The following XPR1 variants were observed in gnomAD, a reference collection of about 807,000 sequenced individuals.
XPR1 encodes the protein xenotropic and polytropic retrovirus receptor 1, also known as solute carrier family 53 member 1.
XPR1 carries 28 observed loss-of-function variants against 87.5 expected under a neutral mutation model. The ratio of observed to expected loss-of-function variants is 0.32; its 90% confidence interval spans 0.24 to 0.44. The LOEUF (loss-of-function observed/expected upper bound fraction) is 0.44. Among genes scored for constraint, XPR1 ranks in the 20% least tolerant of loss-of-function variants. XPR1 has a pLI of 1.00. For synonymous variants in XPR1, 300 were observed against 306.1 expected (o/e 0.98, Z 0.21); for missense variants, 559 against 862.3 (o/e 0.65, Z 4.41).
chr1:180,835,566 G>T (rs12063893), intron 10 of XPR1, among the ~76,000 whole-genome samples: 6,488 of 152,068 alleles, frequency 0.043, 497 homozygotes, highest in African/African-American at 0.15. Flanking sequence ...AGATCTCATT[G>T]AGATAGAATA....
intron 2 of XPR1, among the ~76,000 whole-genome samples, chr1:180,707,792 C>T (rs1657607993): frequency 6.6e-6 from 1 of 152,096 alleles, no homozygotes; most frequent in Non-Finnish European, 1.5e-5. Flanking sequence ...AATATTTTAA[C>T]TTTTATTTCT....
chr1:180,656,853 C>T (rs925109673), intron 1 of XPR1, among the ~76,000 whole-genome samples: 2 of 150,836 alleles, frequency 1.3e-5, no homozygotes, highest in African/African-American at 4.9e-5. Context: ...CAGGTATATA[C>T]CTAGCAGTGG....
intron 1 of XPR1, among the ~76,000 whole-genome samples, chr1:180,667,993 C>T (rs61809311): frequency 0.054 from 8,145 of 151,998 alleles, 315 homozygotes; most frequent in Non-Finnish European, 0.079. Context: ...TCAGTCCATC[C>T]GGCTAAAGGT....
rs531488499 is a variant in XPR1 at position 180,825,179 on chromosome 1, C to T, written c.969C>T (p.Leu323=). ...TCCTTTACTAGATTGCTGGATTCCT[C>T]GGGATATTGTGGTGCCTGAGCCTTC... ...HQHLFEIAGF[L]GILWCLSLLA... is the part of the protein sequence containing the mutation. Residue 323 remains leucine (L), a synonymous_variant, in exon 9 of 15, where the codon CTC becomes CTT. Coordinates refer to ENST00000367590, the MANE Select transcript of XPR1 (RefSeq NM_004736.4). The T allele has an allele frequency of 2.5e-5, 40 of 1,609,108 alleles. No individual in the cohort carries two copies. The highest frequency in any genetic ancestry group is 1.7e-4 in the South Asian group (15 of 89,438).
chr1:180,729,154 C>T (rs530802993), intron 2 of XPR1, among the ~76,000 whole-genome samples: 1 of 152,304 alleles, frequency 6.6e-6, no homozygotes, highest in East Asian at 1.9e-4. Context: ...AGCTATGTTC[C>T]TGCAAAGGAC....
At chr1:180,666,743 G>T (rs1036101666) in intron 1 of XPR1, among the ~76,000 whole-genome samples, 3 of 151,996 alleles carry the variant, frequency 2.0e-5, no homozygotes, top group Non-Finnish European at 4.4e-5. Flanking sequence ...GAATCTTTAG[G>T]TTTTTCTACA....
At chr1:180,772,414 A>G (rs1201861678) in intron 2 of XPR1, among the ~76,000 whole-genome samples, 1 of 152,092 alleles carries the variant, frequency 6.6e-6, no homozygotes, top group East Asian at 1.9e-4. Flanking sequence ...TGCTAGACTT[A>G]TTGTTACTAG....
At chr1:180,679,842 C>G (rs1487433417) in intron 1 of XPR1, among the ~76,000 whole-genome samples, 1 of 151,994 alleles carries the variant, frequency 6.6e-6, no homozygotes, top group East Asian at 1.9e-4. Context: ...GAAAAGATTT[C>G]ATGAGTAAGA....
At chr1:180,633,739 GT>G (rs1654673708) in intron 1 of XPR1, among the ~76,000 whole-genome samples, 1 of 152,180 alleles carries the variant, frequency 6.6e-6, no homozygotes, top group South Asian at 2.1e-4. Flanking sequence ...TTGATTTATT[GT>G]TTCTAATAAC....
chr1:180,794,369 G>A (rs1162292153), intron 3 of XPR1, among the ~76,000 whole-genome samples: 1 of 152,166 alleles, frequency 6.6e-6, no homozygotes, highest in Non-Finnish European at 1.5e-5. Flanking sequence ...TGACCAGAAC[G>A]TTGTTCTGTG....
chr1:180,708,584 AT>A (rs570934811), intron 2 of XPR1, among the ~76,000 whole-genome samples: 11,074 of 147,702 alleles, frequency 0.075, 1,099 homozygotes, highest in African/African-American at 0.23. Context: ...TTGCAAGGTG[AT>A]TTTTTTTTTT....
intron 9 of XPR1, 52 bp downstream of exon 9, chr1:180,825,396 C>T: frequency 6.5e-7 from 1 of 1,545,632 alleles, no homozygotes; most frequent in Non-Finnish European, 8.7e-7. Flanking sequence ...TGGTTATTGA[C>T]TTCCTCTAAG....
At chr1:180,795,399 G>A (rs997720238) in intron 3 of XPR1, among the ~76,000 whole-genome samples, 17 of 152,054 alleles carry the variant, frequency 1.1e-4, no homozygotes, top group East Asian at 5.8e-4. Context: ...AGCTTATGGC[G>A]TTAACATATT....
chr1:180,713,103 T>TA (rs1657861835), intron 2 of XPR1, among the ~76,000 whole-genome samples: 1 of 152,072 alleles, frequency 6.6e-6, no homozygotes, highest in African/African-American at 2.4e-5. Context: ...GTTGACATCT[T>TA]AATATTTAAT....
At chr1:180,840,115 C>T (rs1018042644) in intron 11 of XPR1, among the ~76,000 whole-genome samples, 10 of 150,038 alleles carry the variant, frequency 6.7e-5, no homozygotes, top group African/African-American at 1.7e-4. Flanking sequence ...CCCAGCTACT[C>T]GGGAGGCTGA....
chr1:180,866,635 A>G (rs532122083), intron 12 of XPR1, among the ~76,000 whole-genome samples: 1 of 152,300 alleles, frequency 6.6e-6, no homozygotes, highest in Non-Finnish European at 1.5e-5. Flanking sequence ...TTACCCAAAA[A>G]TTGCATTATC....
chr1:180,760,042 G>A (rs900178203), intron 2 of XPR1, among the ~76,000 whole-genome samples: 3 of 152,202 alleles, frequency 2.0e-5, no homozygotes, highest in African/African-American at 4.8e-5. Context: ...ATGCAGAAAA[G>A]GCCTTTGACA....
At position 180,840,566 on chromosome 1, in the gene XPR1, GTATATATATATATA is replaced by G. The variant is rs71579073; in HGVS notation, c.1501+3861_1501+3874del. Among the ~76,000 whole-genome samples the G allele has an allele frequency of 9.7e-4, 132 of 136,392 alleles. 4 individuals carry two copies. The highest frequency in any genetic ancestry group is 3.3e-3 in the South Asian group (14 of 4,200). The allele number at this position is 136,392 out of a possible 152,430, so 89.5% of individuals were successfully genotyped here. A position where few individuals can be genotyped will look rare whatever the true frequency, so the allele number is the denominator to read the frequency against. ...TGTGTGTGTGTGTGTGTGTGTGTGT[GTATATATATATATA>G]TATATATATAAACTGGACAAAATTT... On this transcript the variant is annotated intron_variant, in intron 11 of 14. Coordinates refer to ENST00000367590, the MANE Select transcript of XPR1 (RefSeq NM_004736.4).
chr1:180,784,396 C>G (rs1361162089), intron 2 of XPR1, among the ~76,000 whole-genome samples: 1 of 151,802 alleles, frequency 6.6e-6, no homozygotes, highest in East Asian at 1.9e-4. Flanking sequence ...TGTAATTTAC[C>G]TACTTATGGA....
Sources: gnomAD v4.1 joint callset for allele counts (sites outside exome capture counted in the v4.1 genomes callset) on GRCh38, gnomAD v4.1.1 for gene constraint, MANE v1.5 for transcripts, NCBI Gene and HGNC (gene_info 2026-07-23, HGNC 2026-07-21) for gene names.